The following OGFR variants were observed in gnomAD, a reference collection of about 807,000 sequenced individuals.
OGFR encodes protein 7-60.
In OGFR, 18 loss-of-function variants were observed where a neutral mutation model predicts 33.6. The observed-to-expected ratio is 0.54, with a 90% confidence interval of 0.37 to 0.80. OGFR has a LOEUF of 0.80. Ranked by LOEUF, OGFR falls within the 30% of genes least tolerant of loss-of-function variation. The pLI is 0.00. For missense variants in OGFR, 877 were observed against 955.8 expected (o/e 0.92, Z 1.09); for synonymous variants, 370 against 400.7 (o/e 0.92, Z 0.91).
In OGFR at chr20:62,813,065, T is replaced by C; in HGVS notation, c.1450T>C (p.Ser484Pro). ...GGAQTLALAG[S>P]PAPSGHPKAG... ...TGCCCAGACCTTGGCCCTTGCCGGGTCCCCTGCCCCATCGGGGCACCCCAA... is the reference window on the plus strand; with the variant it reads ...TGCCCAGACCTTGGCCCTTGCCGGGCCCCCTGCCCCATCGGGGCACCCCAA... The change falls in exon 7 of 7, where the codon TCC becomes CCC. Residue 484 changes from serine (S) to proline (P), a missense_variant. By Grantham distance (74) the Ser-to-Pro change is moderately conservative (BLOSUM62 -1). Transcript: ENST00000290291. 6.3e-7 allele frequency: 1 copy of C among 1,582,022 alleles called. No homozygotes were observed. Among genetic ancestry groups the C allele is most frequent in the Non-Finnish European group, 8.6e-7 (1 of 1,164,110 alleles).
At chr20:62,805,164 C>CCCG (rs1990557017) in intron 1 of OGFR, 134 bp downstream of exon 1, 1 of 599,824 alleles carries the variant, frequency 1.7e-6, no homozygotes. Flanking sequence ...GGGACCCCCC[C>CCCG]CCAGACCGGC....
intron 1 of OGFR, 69 bp downstream of exon 1, chr20:62,805,099 ACC>A: frequency 1.7e-6 from 2 of 1,186,102 alleles, no homozygotes; most frequent in East Asian, 3.3e-5. Flanking sequence ...TGGACGGGAG[ACC>A]CCCCCATCCC....
In OGFR at chr20:62,812,655, CACGGAG is replaced by C. The variant is rs746439155; in HGVS notation, c.1041_1046del (p.Arg348_Ser349del). 21 of 1,563,090 alleles carry C rather than the reference CACGGAG, an allele frequency of 1.3e-5. No homozygotes were observed. The highest frequency in any genetic ancestry group is 1.2e-4 in the African/African-American group (9 of 73,706). ...GGCAGGGTGGACGAGGGGCCCCAGCCACGGAGCGTGGAGCCCCAGGATGCGGGACCC... is the reference window on the plus strand; with the variant it reads ...GGCAGGGTGGACGAGGGGCCCCAGCCCGTGGAGCCCCAGGATGCGGGACCC... On this transcript the variant is annotated inframe_deletion, in exon 7 of 7. Transcript: ENST00000290291.
chr20:62,812,478 C>T lies in OGFR; in HGVS notation c.863C>T (p.Pro288Leu). 1 of 1,579,400 alleles carries T rather than the reference C, an allele frequency of 6.3e-7. No homozygotes were observed. Among genetic ancestry groups the T allele is most frequent in the Non-Finnish European group, 8.6e-7 (1 of 1,163,216 alleles). ...FRPRCKFVWG[P>L]QDKLRRFKPS... ...CCCCGCTGCAAGTTCGTCTGGGGGC[C>T]CCAAGACAAGCTGCGGAGGTTCAAG... Residue 288 changes from proline (P) to leucine (L), a missense_variant, in exon 7 of 7, where the codon CCC (proline) becomes CTC (leucine). This residue lies in a region of OGFR where 760 missense variants were observed against 736.0 expected (regional missense o/e 1.03). Coordinates refer to ENST00000290291, the MANE Select transcript of OGFR (RefSeq NM_007346.4).
rs368905563 is a variant in OGFR, at chr20:62,805,166, C to T, written c.171+136C>T. ...TCCCGCAGCCCCGGGGACCCCCCCC[C>T]AGACCGGCCGACCCCCAGCCCCAGG... On this transcript the variant is annotated intron_variant, in intron 1 of 6. Coordinates refer to ENST00000290291, the MANE Select transcript of OGFR (RefSeq NM_007346.4). 2.5e-5 allele frequency: 15 copies of T among 598,026 alleles called. No individual in the cohort carries two copies. In the East Asian group the frequency reaches 3.3e-4, roughly 13 times the overall value. The allele number at this position is 598,026 out of a possible 1,614,324, so 37.0% of individuals were successfully genotyped here.
rs757797911 is a variant in OGFR at position 62,811,462 on chromosome 20, G to GTGTT, written c.468_471dup (p.Lys158ValfsTer2). ...AGCTCTCCAAGGGGGTCTTTTCCAG[G>GTGTT]TGTTTAAAAGCTCCCAGGAGATCCA... is the stretch of plus-strand genomic sequence containing the variant. On this transcript the variant is annotated frameshift_variant and splice_region_variant, in exon 6 of 7. Transcript: ENST00000290291. LOFTEE classifies it high-confidence loss of function. 9.3e-6 allele frequency: 15 copies of GTGTT among 1,610,954 alleles called. No individual in the cohort carries two copies.
intron 6 of OGFR, among the ~76,000 whole-genome samples, chr20:62,811,856 CAG>C (rs1458799959): frequency 3.3e-5 from 5 of 152,200 alleles, no homozygotes; most frequent in South Asian, 2.1e-4. Context: ...GAGAAGCAAG[CAG>C]GGGTGATGGA....
chr20:62,808,058 G>A, intron 2 of OGFR, 189 bp from the exon 3 acceptor site: 1 of 656,564 alleles, frequency 1.5e-6, no homozygotes, highest in South Asian at 1.7e-5. Flanking sequence ...GGGAAGGGGG[G>A]TCCCTGGGGC....
At position 62,804,840 on chromosome 20, in the gene OGFR, G is replaced by A; in HGVS notation, c.-20G>A. The A allele has an allele frequency of 7.8e-7, 1 of 1,284,334 alleles. No homozygotes were observed. Among genetic ancestry groups the A allele is most frequent in the African/African-American group, 1.6e-5 (1 of 61,866 alleles). 79.6% of individuals were successfully genotyped at this position (1,284,334 alleles called of 1,614,324 possible). On this transcript the variant is annotated 5_prime_UTR_variant, in exon 1 of 7. Coordinates refer to ENST00000290291, the MANE Select transcript of OGFR (RefSeq NM_007346.4). ...TCGGTTTCGCTTCCGCCTCCAGCGC[G>A]AGCCCCGCCGCCGCCGAGCATGGAC...
chr20:62,812,219 ATCTCTC>A lies in OGFR; in HGVS notation c.615-10_615-5del. 2.7e-6 allele frequency: 4 copies of A among 1,488,516 alleles called. No homozygotes were observed. Among genetic ancestry groups the A allele is most frequent in the Non-Finnish European group, 3.6e-6 (4 of 1,114,968 alleles). 92.2% of individuals were successfully genotyped at this position (1,488,516 alleles called of 1,614,324 possible). ...CAGCCATTGACCTCTCCTGACCCGG[ATCTCTC>A]GCAGGCGCAGCCACAACAACCTCCG... On this transcript the variant is annotated splice_region_variant and splice_polypyrimidine_tract_variant and intron_variant, in intron 6 of 6. Transcript: ENST00000290291.
intron 1 of OGFR, 118 bp from the exon 2 acceptor site, chr20:62,807,419 C>A: frequency 3.6e-6 from 3 of 838,104 alleles, no homozygotes; most frequent in Admixed American, 4.4e-5. Context: ...AGCCATGAAA[C>A]CCCCGCCCTT....
chr20:62,807,179 G>A, intron 1 of OGFR: 1 of 315,216 alleles, frequency 3.2e-6, no homozygotes, highest in Non-Finnish European at 6.0e-6. Flanking sequence ...AGCAGGCCTA[G>A]GAGGAGGAGA....
Position 62,812,450 on chromosome 20 carries a change from C to A in OGFR, c.835C>A (p.Arg279=). ...GGTGCACTTCGCCTGGGAGCACTTC[C>A]GGCCCCGCTGCAAGTTCGTCTGGGG... ...QLVHFAWEHF[R]PRCKFVWGPQ... is the part of the protein sequence containing the mutation. The change falls in exon 7 of 7, where the codon CGG becomes AGG. Residue 279 remains arginine, a synonymous_variant. Coordinates refer to ENST00000290291, the MANE Select transcript of OGFR (RefSeq NM_007346.4). 1 of 1,580,132 alleles carries A rather than the reference C, an allele frequency of 6.3e-7. No homozygotes were observed. Among genetic ancestry groups the A allele is most frequent in the South Asian group, 1.2e-5 (1 of 86,888 alleles).
At chr20:62,812,032 C>T (rs900298276) in intron 6 of OGFR, among the ~76,000 whole-genome samples, 198 bp from the exon 7 acceptor site, 3 of 152,232 alleles carry the variant, frequency 2.0e-5, no homozygotes, top group Non-Finnish European at 4.4e-5. Flanking sequence ...CCCCGTGTGT[C>T]TAGGGCCCAC....
rs146779395 is a variant in OGFR at position 62,811,178 on chromosome 20, G to A, written c.466-284G>A. Among the ~76,000 whole-genome samples, 1,469 of 152,208 alleles carry A rather than the reference G, an allele frequency of 9.7e-3. 15 individuals are homozygous for A. Among genetic ancestry groups the A allele is most frequent in the Non-Finnish European group, 0.016 (1,068 of 68,016 alleles). ...GGAGTTTGAGACCAGCCTGGCCAAC[G>A]TGACAAAACCCCGTTTCTACTAAAA... On this transcript the variant is annotated intron_variant, in intron 5 of 6. Coordinates refer to ENST00000290291, the MANE Select transcript of OGFR (RefSeq NM_007346.4).
rs1048798 is a variant in OGFR at position 62,813,889 on chromosome 20, C to T, written c.*240C>T. The T allele has an allele frequency of 4.2e-5, 25 of 590,602 alleles. No homozygotes were observed. The highest frequency in any genetic ancestry group is 6.0e-5 in the Non-Finnish European group (20 of 333,470). 36.6% of individuals were successfully genotyped at this position (590,602 alleles called of 1,614,324 possible). On this transcript the variant is annotated 3_prime_UTR_variant, in exon 7 of 7. Transcript: ENST00000290291. ...GTCTTCCCCACCCAGCTCTCCCCTG[C>T]GCCCCTGTCTTTGTAAATTGACCCT... is the stretch of plus-strand genomic sequence containing the variant.
Position 62,807,605 on chromosome 20 carries a change from G to A in OGFR, c.240G>A (p.Pro80=), listed in dbSNP as rs779362926. 61 of 1,610,000 alleles carry A rather than the reference G, an allele frequency of 3.8e-5. No homozygotes were observed. Among genetic ancestry groups the A allele is most frequent in the Non-Finnish European group, 4.9e-5 (58 of 1,178,692 alleles). ...RDMCRYRHNY[P]DLVERDCNGD... ...TGTGTAGGTATCGGCACAACTATCC[G>A]GTACGTACCTGCCCCTGCCCCGGGA... Residue 80 remains proline, a splice_region_variant and synonymous_variant, in exon 2 of 7, where the codon CCG becomes CCA. Transcript: ENST00000290291.
chr20:62,807,181 A>G (rs1306252745), intron 1 of OGFR: 6 of 318,226 alleles, frequency 1.9e-5, no homozygotes, highest in Non-Finnish European at 3.0e-5. Context: ...CAGGCCTAGG[A>G]GGAGGAGAGG....
rs935094113 is a variant in OGFR, at chr20:62,807,826, GCA to G, written c.240+225_240+226del. 6 of 606,540 alleles carry G rather than the reference GCA, an allele frequency of 9.9e-6. No individual in the cohort carries two copies. The African/African-American group carries it at 1.1e-4, about 11-fold the overall frequency. 37.6% of individuals were successfully genotyped at this position (606,540 alleles called of 1,614,324 possible). On this transcript the variant is annotated intron_variant, in intron 2 of 6. Coordinates refer to ENST00000290291, the MANE Select transcript of OGFR (RefSeq NM_007346.4). ...CATCCCCCTACTTTTCTGAGCTTCA[GCA>G]CACCGTCGCCTTGCAAACATGGCCA...
Sources: allele counts gnomAD v4.1 joint callset (sites outside exome capture counted in the v4.1 genomes callset), GRCh38; gene constraint gnomAD v4.1.1; regional missense constraint gnomAD v4.1.1; transcripts MANE v1.5; gene names NCBI Gene and HGNC (gene_info 2026-07-23, HGNC 2026-07-21).